PITPNA: variants seen among roughly 807,000 people sequenced by gnomAD.
PITPNA encodes the protein phosphatidylinositol transfer protein alpha.
A neutral mutation model predicts 50.3 loss-of-function variants in PITPNA; 13 were observed. The ratio of observed to expected loss-of-function variants is 0.26; its 90% confidence interval spans 0.17 to 0.41. The LOEUF (loss-of-function observed/expected upper bound fraction) is 0.41, where lower values mean the gene tolerates loss of function less well. Among genes scored for constraint, PITPNA ranks in the 10% least tolerant of loss-of-function variants. The pLI is 1.00. For missense variants in PITPNA, 207 were observed against 333.4 expected (o/e 0.62, Z 2.95); for synonymous variants, 120 against 119.6 (o/e 1.00, Z -0.02).
intron 3 of PITPNA, 114 bp downstream of exon 3, chr17:1,552,890 T>G: frequency 9.7e-7 from 1 of 1,029,352 alleles, no homozygotes; most frequent in South Asian, 1.5e-5. Context: ...TAACTATTAA[T>G]TGTTAGGATA....
At chr17:1,545,259 T>TC (rs1475733207) in intron 4 of PITPNA, among the ~76,000 whole-genome samples, 3 of 152,194 alleles carry the variant, frequency 2.0e-5, no homozygotes, top group African/African-American at 7.2e-5. Flanking sequence ...CTGTTTTCAC[T>TC]CCGCTCAGAG....
At chr17:1,551,048 G>C (rs8076233) in intron 3 of PITPNA, among the ~76,000 whole-genome samples, 1 of 122,446 alleles carries the variant, frequency 8.2e-6, no homozygotes, top group Non-Finnish European at 2.0e-5. Flanking sequence ...CACGAAGGGC[G>C]AGTGAGAGTA....
intron 7 of PITPNA, chr17:1,535,833 A>T (rs1459867508): frequency 3.7e-5 from 12 of 328,196 alleles, no homozygotes; most frequent in Non-Finnish European, 5.7e-5. Context: ...CCAGATCACC[A>T]GGGAAGACCT....
At chr17:1,538,792 T>C in intron 7 of PITPNA, 77 bp downstream of exon 7, 2 of 833,340 alleles carry the variant, frequency 2.4e-6, no homozygotes, top group Non-Finnish European at 4.0e-6. Context: ...AAGTTGGGTA[T>C]GGTTTCCTGG....
rs1297258605 is a variant in PITPNA at position 1,562,527 on chromosome 17, C to T, written c.20+14G>A. 7.0e-7 allele frequency: 1 copy of T among 1,435,112 alleles called. No individual in the cohort carries two copies. The highest frequency in any genetic ancestry group is 9.2e-7 in the Non-Finnish European group (1 of 1,088,640). 88.9% of individuals were successfully genotyped at this position (1,435,112 alleles called of 1,614,324 possible). Reference sequence around the variant, plus strand: ...TCCCTCCTCCCCGCTTCCGCACGGCCGCCGGACACTCACTACTCCTTGAGC... The same window carrying T: ...TCCCTCCTCCCCGCTTCCGCACGGCTGCCGGACACTCACTACTCCTTGAGC... On this transcript the variant is annotated intron_variant, in intron 1 of 11. Transcript: ENST00000313486. The surrounding 1 kb of genome is among the most constrained non-coding windows in gnomAD (Gnocchi z 6.4).
intron 6 of PITPNA, among the ~76,000 whole-genome samples, chr17:1,540,594 T>TC (rs2075643275): frequency 1.8e-5 from 2 of 114,174 alleles, no homozygotes; most frequent in East Asian, 5.4e-4. Context: ...TTTTTTTCTC[T>TC]TTTTTTTTTT....
rs570063719 is a variant in PITPNA, at chr17:1,521,292, A to G, written c.*22+287T>C. Among the ~76,000 whole-genome samples, 7 of 152,306 alleles carry G rather than the reference A, an allele frequency of 4.6e-5. 1 individual carries two copies. The South Asian group carries it at 1.5e-3, about 32-fold the overall frequency. On this transcript the variant is annotated intron_variant, in intron 11 of 11. Transcript: ENST00000313486. ...GACAGCTGCAACTTGAGATGGATCA[A>G]GCTGGCAGACAGGAGGAGTGATTCG...
At chr17:1,548,024 T>A (rs2075686818) in intron 4 of PITPNA, among the ~76,000 whole-genome samples, 1 of 152,060 alleles carries the variant, frequency 6.6e-6, no homozygotes, top group African/African-American at 2.4e-5. Flanking sequence ...TAAAAATGAC[T>A]AGAAAAATAT....
At position 1,549,715 on chromosome 17, in the gene PITPNA, G is replaced by A. The variant is rs191884848; in HGVS notation, c.198-1328C>T. ...TTTTGAGATGGAGCCTTGCTCTGTC[G>A]CCAGGCTGGAGTGCAGTGGCACGAC... On this transcript the variant is annotated intron_variant, in intron 3 of 11. Transcript: ENST00000313486. Among the ~76,000 whole-genome samples the A allele has an allele frequency of 5.1e-3, 723 of 142,732 alleles. 127 individuals carry two copies. Among genetic ancestry groups the A allele is most frequent in the African/African-American group, 0.018 (675 of 37,516 alleles). The allele number at this position is 142,732 out of a possible 152,430, so 93.6% of individuals were successfully genotyped here.
rs183383084 is a variant in PITPNA at position 1,521,413 on chromosome 17, G to T, written c.*22+166C>A. 1.5e-3 allele frequency among the ~76,000 whole-genome samples: 221 copies of T among 152,230 alleles called. 1 individual carries two copies. Among genetic ancestry groups the T allele is most frequent in the African/African-American group, 4.9e-3 (203 of 41,544 alleles). On this transcript the variant is annotated intron_variant, in intron 11 of 11. Coordinates refer to ENST00000313486, the MANE Select transcript of PITPNA (RefSeq NM_006224.4). ...GGAAAATGTCCCTGAAATGTCCCAA[G>T]GGCCATAATCTCCTAGTGGAAGTGG...
At chr17:1,526,610 G>C (rs969177515) in intron 10 of PITPNA, among the ~76,000 whole-genome samples, 1 of 152,094 alleles carries the variant, frequency 6.6e-6, no homozygotes, top group African/African-American at 2.4e-5. Context: ...CATGCTGAGA[G>C]TTCACCACCT....
In PITPNA at chr17:1,562,582, T is replaced by C. The variant is rs902395204; in HGVS notation, c.-22A>G. On this transcript the variant is annotated 5_prime_UTR_variant, in exon 1 of 12. Transcript: ENST00000313486. This position sits in a 1 kb window ranked among gnomAD's most constrained non-coding sequence, Gnocchi z 6.4. ...CCATGTCGCTTCGCGGCTCGGTGGC[T>C]GCCCGCGGCCCGCCCGGCCTCCCGC... The C allele has an allele frequency of 6.9e-6, 9 of 1,295,256 alleles. No homozygotes were observed. Among genetic ancestry groups the C allele is most frequent in the Non-Finnish European group, 7.9e-6 (8 of 1,014,380 alleles). The allele number at this position is 1,295,256 out of a possible 1,614,324, so 80.2% of individuals were successfully genotyped here.
At chr17:1,550,050 C>T (rs2075700216) in intron 3 of PITPNA, among the ~76,000 whole-genome samples, 1 of 152,182 alleles carries the variant, frequency 6.6e-6, no homozygotes, top group Non-Finnish European at 1.5e-5. Flanking sequence ...GTGCCTCAGG[C>T]CTAAGAAAGA....
At position 1,547,918 on chromosome 17, in the gene PITPNA, C is replaced by T. The variant is rs578090678; in HGVS notation, c.289+378G>A. ...CTGAGGCAGCAGAATTGCTTGAACC[C>T]GGGAGCCAGAGGTTGCAGTGAGCCG... is the stretch of plus-strand genomic sequence containing the variant. On this transcript the variant is annotated intron_variant, in intron 4 of 11. Transcript: ENST00000313486. 8.5e-5 allele frequency among the ~76,000 whole-genome samples: 13 copies of T among 152,070 alleles called. No homozygotes were observed. In the South Asian group the frequency reaches 1.2e-3, roughly 15 times the overall value.
At chr17:1,538,832 G>A (rs143617754) in intron 7 of PITPNA, 37 bp downstream of exon 7, 24 of 1,344,040 alleles carry the variant, frequency 1.8e-5, no homozygotes, top group East Asian at 2.3e-5. Context: ...TCATTTCTGC[G>A]TCTCGAAGGC....
At chr17:1,560,469 G>T (rs945481450) in intron 1 of PITPNA, among the ~76,000 whole-genome samples, 1 of 152,216 alleles carries the variant, frequency 6.6e-6, no homozygotes, top group Admixed American at 6.5e-5. Flanking sequence ...AGGAAACGCA[G>T]ATACCAGGCA....
intron 10 of PITPNA, among the ~76,000 whole-genome samples, chr17:1,524,585 AAT>A (rs1414943448): frequency 1.3e-5 from 2 of 152,190 alleles, no homozygotes; most frequent in African/African-American, 2.4e-5. Flanking sequence ...ATAATAATAA[AAT>A]AGAGATAACA....
At position 1,557,032 on chromosome 17, in the gene PITPNA, C is replaced by T. The variant is rs371952072; in HGVS notation, c.51+1497G>A. ...AAGCCAACACCTGTCAGCCCAGGCA[C>T]CTGGTTCTCAGGCCCCAGGTACATC... On this transcript the variant is annotated intron_variant, in intron 2 of 11. Coordinates refer to ENST00000313486, the MANE Select transcript of PITPNA (RefSeq NM_006224.4). 2.6e-5 allele frequency among the ~76,000 whole-genome samples: 4 copies of T among 152,166 alleles called. No homozygotes were observed. In the South Asian group the frequency reaches 6.2e-4, roughly 24 times the overall value.
Position 1,553,126 on chromosome 17 carries a change from A to G in PITPNA, c.75T>C (p.Ser25=). ...TTTCATTTTTACTGGCCTCAGCCAC[A>G]GAATACAGCTGCCCCACTTGATACT... The part of the protein sequence containing the change: ...VDEYQVGQLY[S]VAEASKNETG... Residue 25 remains serine (S), a synonymous_variant, in exon 3 of 12, where the codon TCT becomes TCC. Coordinates refer to ENST00000313486, the MANE Select transcript of PITPNA (RefSeq NM_006224.4). 1.2e-6 allele frequency: 2 copies of G among 1,613,968 alleles called. No homozygotes were observed. The highest frequency in any genetic ancestry group is 8.5e-7 in the Non-Finnish European group (1 of 1,179,878).
Sources: allele counts gnomAD v4.1 joint callset (sites outside exome capture counted in the v4.1 genomes callset), GRCh38; gene constraint gnomAD v4.1.1; non-coding constraint Gnocchi (gnomAD v3.1); transcripts MANE v1.5; gene names NCBI Gene and HGNC (gene_info 2026-07-23, HGNC 2026-07-21).